JAKMIP1: variants seen among roughly 807,000 people sequenced by gnomAD.
JAKMIP1 encodes janus kinase and microtubule-interacting protein 1.
A neutral mutation model predicts 113.0 loss-of-function variants in JAKMIP1; 33 were observed. The observed-to-expected ratio is 0.29, with a 90% CI of 0.22 to 0.39. The LOEUF (loss-of-function observed/expected upper bound fraction) is 0.39. JAKMIP1 is among the 10% of genes least tolerant of loss of function. The pLI, the probability that JAKMIP1 is intolerant of heterozygous loss-of-function variation, is 1.00. For missense variants in JAKMIP1, 813 were observed against 1,080.5 expected (o/e 0.75, Z 3.47); for synonymous variants, 480 against 459.9 (o/e 1.04, Z -0.56).
chr4:6,149,466 C>A (rs1483054305), intron 1 of JAKMIP1, among the ~76,000 whole-genome samples: 1 of 152,140 alleles, frequency 6.6e-6, no homozygotes, highest in Non-Finnish European at 1.5e-5. Context: ...CCAGTGAAAT[C>A]TAGGGATGTG....
chr4:6,048,226 G>A (rs759679506), intron 16 of JAKMIP1, among the ~76,000 whole-genome samples: 1 of 152,226 alleles, frequency 6.6e-6, no homozygotes, highest in Non-Finnish European at 1.5e-5. Context: ...TAAGGCTGCA[G>A]GTAGGAGGGT....
chr4:6,171,150 TCAC>T (rs997385429), intron 1 of JAKMIP1, among the ~76,000 whole-genome samples: 20 of 133,548 alleles, frequency 1.5e-4, no homozygotes, highest in South Asian at 2.6e-4. Context: ...ACCACCATCA[TCAC>T]CACCACCATC....
intron 2 of JAKMIP1, among the ~76,000 whole-genome samples, chr4:6,107,941 T>C (rs1362019290): frequency 6.6e-6 from 1 of 152,096 alleles, no homozygotes; most frequent in Non-Finnish European, 1.5e-5. Flanking sequence ...GTTGTTATCG[T>C]GGTTCTGACT....
chr4:6,057,249 G>GCACAGTGCCTGT (rs1443707424), intron 11 of JAKMIP1, among the ~76,000 whole-genome samples: 2 of 152,342 alleles, frequency 1.3e-5, no homozygotes, highest in Admixed American at 6.5e-5. Flanking sequence ...CCTGAGCCTG[G>GCACAGTGCCTGT]CACAGTGCCT....
Position 6,142,718 on chromosome 4 carries a change from G to A in JAKMIP1, c.-147-29721C>T, listed in dbSNP as rs1025280934. ...GGTTTCCAGGAGATGGCAATGGATG[G>A]GGTGCTCTGGCCCCGGGGCCTGGCC... On this transcript the variant is annotated intron_variant, in intron 1 of 20. Transcript: ENST00000409021. The surrounding 1 kb of genome is among the most constrained non-coding windows in gnomAD (Gnocchi z 5.5). Among the ~76,000 whole-genome samples the A allele has an allele frequency of 2.6e-5, 4 of 152,214 alleles. No homozygotes were observed. Among genetic ancestry groups the A allele is most frequent in the African/African-American group, 9.6e-5 (4 of 41,454 alleles).
intron 16 of JAKMIP1, among the ~76,000 whole-genome samples, chr4:6,048,068 GAAGAA>G (rs1459190388): frequency 6.6e-6 from 1 of 152,290 alleles, no homozygotes; most frequent in South Asian, 2.1e-4. Flanking sequence ...CAAGGAAGGA[GAAGAA>G]AATAGATAAT....
In JAKMIP1 at chr4:6,054,167, C is replaced by T. The variant is rs189789675; in HGVS notation, c.1708-19G>A. On this transcript the variant is annotated intron_variant, in intron 12 of 20. Transcript: ENST00000409021. Reference sequence around the variant, plus strand: ...TGTAAATCTAGAGCAAAGATACCTGCGGATTAACAGGATGGGTGGGAGCAC... The same window carrying T: ...TGTAAATCTAGAGCAAAGATACCTGTGGATTAACAGGATGGGTGGGAGCAC... 73 of 1,613,416 alleles carry T rather than the reference C, an allele frequency of 4.5e-5. No individual in the cohort carries two copies. Among genetic ancestry groups the T allele is most frequent in the Non-Finnish European group, 5.5e-5 (65 of 1,179,580 alleles).
Position 6,042,057 on chromosome 4 carries a change from C to T in JAKMIP1, c.2097+102G>A. On this transcript the variant is annotated intron_variant, in intron 17 of 20. Coordinates refer to ENST00000409021, the MANE Select transcript of JAKMIP1 (RefSeq NM_001099433.2). This position sits in a 1 kb window ranked among gnomAD's most constrained non-coding sequence, Gnocchi z 5.2. ...GGGGCAAAAGCAAAATTGAGAAATG[C>T]ATGCAAATCATTAGGAAAACACATG... 1.1e-6 allele frequency: 1 copy of T among 933,780 alleles called. No individual in the cohort carries two copies. The highest frequency in any genetic ancestry group is 1.7e-6 in the Non-Finnish European group (1 of 587,878). 57.8% of individuals were successfully genotyped at this position (933,780 alleles called of 1,614,324 possible).
rs111340860 is a variant in JAKMIP1 at position 6,067,846 on chromosome 4, G to A, written c.1303-2838C>T. Reference sequence around the variant, plus strand: ...CGTTCACTCAAGCTCTTCTGCACACGCAGGTCACCCCCCTGAGCTCCACGT... The same window carrying A: ...CGTTCACTCAAGCTCTTCTGCACACACAGGTCACCCCCCTGAGCTCCACGT... On this transcript the variant is annotated intron_variant, in intron 8 of 20. Coordinates refer to ENST00000409021, the MANE Select transcript of JAKMIP1 (RefSeq NM_001099433.2). The surrounding 1 kb of genome is among the most constrained non-coding windows in gnomAD (Gnocchi z 4.6). Among the ~76,000 whole-genome samples the A allele has an allele frequency of 2.7e-4, 34 of 126,192 alleles. No homozygotes were observed. The highest frequency in any genetic ancestry group is 5.2e-4 in the South Asian group (2 of 3,852). 82.8% of individuals were successfully genotyped at this position (126,192 alleles called of 152,430 possible).
In JAKMIP1 at chr4:6,096,082, G is replaced by T. The variant is rs532283390; in HGVS notation, c.624+9391C>A. Among the ~76,000 whole-genome samples the T allele has an allele frequency of 9.2e-5, 14 of 152,286 alleles. No individual in the cohort carries two copies. The South Asian group carries it at 1.0e-3, about 11-fold the overall frequency. ...AAAGAACCAGCGGTGCAAAGATCGG[G>T]GCTGGAGCGCTCCCGGCCAAGGACA... On this transcript the variant is annotated intron_variant, in intron 3 of 20. Coordinates refer to ENST00000409021, the MANE Select transcript of JAKMIP1 (RefSeq NM_001099433.2).
intron 12 of JAKMIP1, 73 bp downstream of exon 12, chr4:6,056,624 G>T: frequency 8.6e-7 from 1 of 1,163,100 alleles, no homozygotes; most frequent in Admixed American, 1.7e-5. Context: ...GGCACGACCC[G>T]TGTAGTCTGA....
Position 6,170,882 on chromosome 4 carries a change from A to G in JAKMIP1, c.-148+29371T>C, listed in dbSNP as rs371624682. On this transcript the variant is annotated intron_variant, in intron 1 of 20. Transcript: ENST00000409021. The stretch of plus-strand genomic sequence containing the variant: ...CATGACCACCATCACAATCACCTCC[A>G]TCACCTCCACCACCACCATCACCAT... 8.8e-3 allele frequency among the ~76,000 whole-genome samples: 1,295 copies of G among 147,412 alleles called. 12 individuals are homozygous for G. Among genetic ancestry groups the G allele is most frequent in the African/African-American group, 0.03 (1,198 of 39,598 alleles).
At chr4:6,098,670 G>GAGAGAGAAAGAA (rs1712377024) in intron 3 of JAKMIP1, among the ~76,000 whole-genome samples, 3 of 100,406 alleles carry the variant, frequency 3.0e-5, no homozygotes, top group African/African-American at 5.0e-5. Flanking sequence ...AAGAAAGAGA[G>GAGAGAGAAAGAA]AGAAAGAAAG....
At chr4:6,045,327 A>G (rs1048819441) in intron 16 of JAKMIP1, among the ~76,000 whole-genome samples, 2 of 152,100 alleles carry the variant, frequency 1.3e-5, no homozygotes, top group African/African-American at 4.8e-5. Context: ...CCAATGTCTC[A>G]TGGTTCAGGT....
chr4:6,028,972 G>T (rs1030620163), intron 20 of JAKMIP1, among the ~76,000 whole-genome samples: 4 of 152,260 alleles, frequency 2.6e-5, no homozygotes, highest in African/African-American at 7.2e-5. Context: ...CGTGGTCCCT[G>T]TCCTCAAGGA....
At chr4:6,047,642 A>C (rs1715162997) in intron 16 of JAKMIP1, among the ~76,000 whole-genome samples, 1 of 152,236 alleles carries the variant, frequency 6.6e-6, no homozygotes. Context: ...TGTTACCAAC[A>C]TTTAGTATCC....
chr4:6,157,697 G>A lies in JAKMIP1; in HGVS notation c.-148+42556C>T, dbSNP rs1051491065. ...ACCCCTGCTTTCTCCTGTTTAAACTGGTGCCAGTTGTCTGTGGTTTCACAT... is the reference window on the plus strand; with the variant it reads ...ACCCCTGCTTTCTCCTGTTTAAACTAGTGCCAGTTGTCTGTGGTTTCACAT... On this transcript the variant is annotated intron_variant, in intron 1 of 20. Transcript: ENST00000409021. This position sits in a 1 kb window ranked among gnomAD's most constrained non-coding sequence, Gnocchi z 4.7. Among the ~76,000 whole-genome samples, 4 of 152,144 alleles carry A rather than the reference G, an allele frequency of 2.6e-5. No individual in the cohort carries two copies. The highest frequency in any genetic ancestry group is 2.0e-4 in the Admixed American group (3 of 15,290).
chr4:6,056,791 A>T (rs758173891), intron 11 of JAKMIP1, 32 bp from the exon 12 acceptor site: 6 of 1,474,894 alleles, frequency 4.1e-6, no homozygotes, highest in Non-Finnish European at 5.7e-6. Context: ...GGTCACATTC[A>T]TGGAAGCAAA....
chr4:6,072,869 A>T (rs1477415083), intron 8 of JAKMIP1, among the ~76,000 whole-genome samples: 2 of 152,132 alleles, frequency 1.3e-5, no homozygotes, highest in Non-Finnish European at 2.9e-5. Context: ...ACTTGAGGTC[A>T]GGAGTTCGAG....
Sources: allele counts gnomAD v4.1 joint callset (sites outside exome capture counted in the v4.1 genomes callset), GRCh38; gene constraint gnomAD v4.1.1; non-coding constraint Gnocchi (gnomAD v3.1); transcripts MANE v1.5; gene names NCBI Gene and HGNC (gene_info 2026-07-23, HGNC 2026-07-21).